Variants in CNTN4 observed in about 807,000 individuals in gnomAD.
The protein encoded by CNTN4 is contactin-4.
CNTN4 carries 77 observed loss-of-function variants against 122.5 expected under a neutral mutation model. The observed-to-expected ratio is 0.63, with a 90% CI of 0.52 to 0.76. The LOEUF (loss-of-function observed/expected upper bound fraction) is 0.76. CNTN4 is among the 30% of genes least tolerant of loss of function. The pLI, the probability that CNTN4 is intolerant of heterozygous loss-of-function variation, is 0.00. For missense variants in CNTN4, 1,256 were observed against 1,259.1 expected (o/e 1.00, Z 0.04); for synonymous variants, 512 against 447.0 (o/e 1.15, Z -1.83).
At chr3:2,546,512 C>A (rs751502685) in intron 3 of CNTN4, among the ~76,000 whole-genome samples, 2 of 151,866 alleles carry the variant, frequency 1.3e-5, no homozygotes, top group Non-Finnish European at 2.9e-5. Flanking sequence ...GCGAGTGTGA[C>A]GAGGTGGAAA....
chr3:2,899,383 A>T (rs1185882911), intron 10 of CNTN4, among the ~76,000 whole-genome samples: 1 of 152,218 alleles, frequency 6.6e-6, no homozygotes, highest in Admixed American at 6.5e-5. Context: ...TTAAATACTG[A>T]TATCAACTTT....
intron 3 of CNTN4, among the ~76,000 whole-genome samples, chr3:2,425,376 G>T (rs1242771633): frequency 2.0e-5 from 3 of 152,110 alleles, no homozygotes; most frequent in African/African-American, 7.2e-5. Flanking sequence ...AGATCAGATG[G>T]TTGTAGATGT....
At chr3:2,856,628 C>A (rs1454291725) in intron 7 of CNTN4, among the ~76,000 whole-genome samples, 1 of 152,222 alleles carries the variant, frequency 6.6e-6, no homozygotes, top group African/African-American at 2.4e-5. Context: ...AGCCCTCCCA[C>A]TGTGTCTTCT....
intron 3 of CNTN4, among the ~76,000 whole-genome samples, chr3:2,568,585 C>A (rs561769998): frequency 6.6e-6 from 1 of 152,256 alleles, no homozygotes; most frequent in East Asian, 1.9e-4. Flanking sequence ...AGCTTTCTTT[C>A]TGACTCTGAC....
chr3:2,713,752 G>A (rs1478737248), intron 4 of CNTN4, among the ~76,000 whole-genome samples: 2 of 152,282 alleles, frequency 1.3e-5, no homozygotes, highest in Non-Finnish European at 2.9e-5. Context: ...AATGTTGAGA[G>A]ATAATGAAAT....
At chr3:2,562,652 G>A (rs1040645771) in intron 3 of CNTN4, among the ~76,000 whole-genome samples, 1 of 151,502 alleles carries the variant, frequency 6.6e-6, no homozygotes, top group African/African-American at 2.4e-5. Flanking sequence ...TTGATTCTAT[G>A]ACCATGAATA....
rs748225522 is a variant in CNTN4 at position 2,887,108 on chromosome 3, A to G, written c.824A>G (p.Lys275Arg). The change falls in exon 10 of 25, where the codon AAG becomes AGG. Residue 275 changes from lysine to arginine, a missense_variant. Physicochemically the swap from Lys to Arg is conservative, Grantham distance 26. Transcript: ENST00000418658. Reference protein sequence around the residue: ...KPIARKARRHKSNGILEIPNF... With the variant: ...KPIARKARRHRSNGILEIPNF... ...ATAGCAAGGAAAGCCAGAAGACACA[A>G]GTCAAATGGAATTCTTGAGATCCCT... 6.8e-6 allele frequency: 11 copies of G among 1,614,144 alleles called. No homozygotes were observed. The Admixed American group carries it at 1.7e-4, about 24-fold the overall frequency.
At chr3:2,950,366 G>A (rs777953471) in intron 13 of CNTN4, among the ~76,000 whole-genome samples, 2 of 152,196 alleles carry the variant, frequency 1.3e-5, no homozygotes, top group Admixed American at 1.3e-4. Context: ...CTTGCTGAAG[G>A]AGATTTGGAC....
intron 4 of CNTN4, among the ~76,000 whole-genome samples, chr3:2,592,815 A>C (rs1263943056): frequency 1.3e-5 from 2 of 152,230 alleles, no homozygotes; most frequent in Non-Finnish European, 2.9e-5. Flanking sequence ...GTTGGTAACA[A>C]ATAAACCATT....
intron 2 of CNTN4, among the ~76,000 whole-genome samples, chr3:2,120,596 G>T (rs539485533): frequency 2.7e-5 from 4 of 150,778 alleles, no homozygotes; most frequent in African/African-American, 9.8e-5. Context: ...AGAGAGGAGG[G>T]TTCTCCATGT....
At chr3:3,034,046 G>A (rs144906860) in intron 16 of CNTN4, among the ~76,000 whole-genome samples, 1,626 of 152,290 alleles carry the variant, frequency 0.011, 36 homozygotes, top group African/African-American at 0.037. Context: ...TCCCTTGCAC[G>A]CAAGTGTGTG....
At chr3:2,946,502 C>T (rs916766867) in intron 13 of CNTN4, among the ~76,000 whole-genome samples, 3 of 152,102 alleles carry the variant, frequency 2.0e-5, no homozygotes, top group African/African-American at 7.2e-5. Flanking sequence ...TAGAATCCCA[C>T]CAGAAGGTTC....
chr3:2,957,361 T>G (rs2094810994), intron 13 of CNTN4, among the ~76,000 whole-genome samples: 1 of 152,110 alleles, frequency 6.6e-6, no homozygotes. Context: ...CTTATTGTGG[T>G]TTTGGTTTGC....
At chr3:2,247,631 A>G (rs2040206279) in intron 2 of CNTN4, among the ~76,000 whole-genome samples, 1 of 152,022 alleles carries the variant, frequency 6.6e-6, no homozygotes, top group Non-Finnish European at 1.5e-5. Flanking sequence ...ATTCTTGATG[A>G]TAAAATGGCT....
intron 2 of CNTN4, among the ~76,000 whole-genome samples, chr3:2,133,199 C>CT (rs2034531457): frequency 6.6e-6 from 1 of 152,146 alleles, no homozygotes; most frequent in Admixed American, 6.5e-5. Flanking sequence ...TTAATTCTAG[C>CT]TTTAGTTACT....
In CNTN4 at chr3:2,890,999, A is replaced by T. The variant is rs527279100; in HGVS notation, c.940+3775A>T. Reference sequence around the variant, plus strand: ...AATACATTATTTACTTGTTTAACAAATTTTTTTTTATTGCCTACCATGTGG... The same window carrying T: ...AATACATTATTTACTTGTTTAACAATTTTTTTTTTATTGCCTACCATGTGG... On this transcript the variant is annotated intron_variant, in intron 10 of 24. Coordinates refer to ENST00000418658, the MANE Select transcript of CNTN4 (RefSeq NM_175607.3). Among the ~76,000 whole-genome samples, 750 of 151,670 alleles carry T rather than the reference A, an allele frequency of 4.9e-3. 8 individuals are homozygous for T. The highest frequency in any genetic ancestry group is 0.016 in the African/African-American group (668 of 41,350).
At chr3:2,817,042 G>A (rs181635437) in intron 6 of CNTN4, among the ~76,000 whole-genome samples, 1 of 152,244 alleles carries the variant, frequency 6.6e-6, no homozygotes, top group Admixed American at 6.5e-5. Context: ...GATCTGGATA[G>A]ATATTCATAC....
At chr3:3,002,097 A>G (rs1255431091) in intron 14 of CNTN4, among the ~76,000 whole-genome samples, 1 of 152,244 alleles carries the variant, frequency 6.6e-6, no homozygotes, top group Non-Finnish European at 1.5e-5. Flanking sequence ...ATTCCTGTCA[A>G]CTGCCAATGA....
intron 3 of CNTN4, among the ~76,000 whole-genome samples, chr3:2,485,523 T>C (rs555284186): frequency 2.0e-5 from 3 of 151,936 alleles, no homozygotes; most frequent in South Asian, 4.1e-4. Flanking sequence ...GGAGAATCTT[T>C]TTGTCTAGCT....
Sources: allele counts gnomAD v4.1 joint callset (sites outside exome capture counted in the v4.1 genomes callset), GRCh38; gene constraint gnomAD v4.1.1; transcripts MANE v1.5; gene names NCBI Gene and HGNC (gene_info 2026-07-23, HGNC 2026-07-21).